Variants in IRS1 observed in about 807,000 individuals in gnomAD.
IRS1 encodes insulin receptor substrate 1.
Under a neutral mutation model 65.6 loss-of-function variants are expected in IRS1, and 34 were observed. That is an observed-to-expected ratio of 0.52 (90% CI 0.39 to 0.69). The LOEUF (loss-of-function observed/expected upper bound fraction) is 0.69, where lower values mean the gene tolerates loss of function less well. Ranked by LOEUF, IRS1 falls within the 30% of genes least tolerant of loss-of-function variation. The probability of loss-of-function intolerance (pLI) is 0.00; values close to 1 mark genes in which losing one functional copy is unlikely to be tolerated. For missense variants in IRS1, 1,641 were observed against 1,720.2 expected (o/e 0.95, Z 0.81); for synonymous variants, 699 against 683.5 (o/e 1.02, Z -0.35).
intron 1 of IRS1, among the ~76,000 whole-genome samples, chr2:226,768,036 T>A (rs1026974277): frequency 6.6e-6 from 1 of 152,098 alleles, no homozygotes; most frequent in Middle Eastern, 3.2e-3. Flanking sequence ...TTCTACCCCA[T>A]CCCTGCTGCT....
rs1299572483 is a variant in IRS1, at chr2:226,786,661, C to A, written c.*21+8328G>T. On this transcript the variant is annotated intron_variant, in intron 1 of 1. Transcript: ENST00000305123. ...CTTAAAAAAAAAAAAACAAAAACAACAACAACAAAAAAAAACCAAAAAAAA... is the reference window on the plus strand; with the variant it reads ...CTTAAAAAAAAAAAAACAAAAACAAAAACAACAAAAAAAAACCAAAAAAAA... Among the ~76,000 whole-genome samples the A allele has an allele frequency of 4.4e-4, 59 of 132,768 alleles. No homozygotes were observed. In the South Asian group the frequency reaches 9.5e-3, roughly 21 times the overall value. 87.1% of individuals were successfully genotyped at this position (132,768 alleles called of 152,430 possible).
At chr2:226,787,660 G>A (rs2106180187) in intron 1 of IRS1, among the ~76,000 whole-genome samples, 1 of 152,286 alleles carries the variant, frequency 6.6e-6, no homozygotes, top group African/African-American at 2.4e-5. Context: ...GATAATTTAT[G>A]TTAGGGTTGA....
At chr2:226,783,166 T>C (rs1264491146) in intron 1 of IRS1, among the ~76,000 whole-genome samples, 2 of 152,200 alleles carry the variant, frequency 1.3e-5, no homozygotes, top group East Asian at 3.8e-4. Context: ...GGGGTGAGCT[T>C]TCAGCCTTCA....
At chr2:226,738,540 A>G (rs975539634) in intron 1 of IRS1, among the ~76,000 whole-genome samples, 3 of 152,244 alleles carry the variant, frequency 2.0e-5, no homozygotes, top group Admixed American at 2.0e-4. Flanking sequence ...AAAACAAACA[A>G]AAAAGGAAGC....
Position 226,794,430 on chromosome 2 carries a change from T to C in IRS1, c.*21+559A>G, listed in dbSNP as rs938139786. Among the ~76,000 whole-genome samples the C allele has an allele frequency of 6.6e-6, 1 of 152,218 alleles. No individual in the cohort carries two copies. Among genetic ancestry groups the C allele is most frequent in the African/African-American group, 2.4e-5 (1 of 41,458 alleles). Reference sequence around the variant, plus strand: ...TCTAAAAAGCTCTTACTCCTGATCTTTTTAGGGCAGGATGAATAGAAATCA... The same window carrying C: ...TCTAAAAAGCTCTTACTCCTGATCTCTTTAGGGCAGGATGAATAGAAATCA... On this transcript the variant is annotated intron_variant, in intron 1 of 1. Transcript: ENST00000305123. This position sits in a 1 kb window ranked among gnomAD's most constrained non-coding sequence, Gnocchi z 4.1.
intron 1 of IRS1, among the ~76,000 whole-genome samples, chr2:226,744,861 C>A (rs189009062): frequency 1.1e-3 from 166 of 152,132 alleles, no homozygotes; most frequent in African/African-American, 3.7e-3. Flanking sequence ...CTTTGTTTTC[C>A]TTTCTGCATT....
intron 1 of IRS1, among the ~76,000 whole-genome samples, chr2:226,767,581 G>A (rs530651460): frequency 6.6e-6 from 1 of 152,314 alleles, no homozygotes; most frequent in Admixed American, 6.5e-5. Context: ...CATAACCTGG[G>A]TGGCCAAGCA....
At position 226,797,847 on chromosome 2, in the gene IRS1, C is replaced by G; in HGVS notation, c.892G>C (p.Gly298Arg). The G allele has an allele frequency of 6.3e-7, 1 of 1,599,420 alleles. No individual in the cohort carries two copies. Among genetic ancestry groups the G allele is most frequent in the Non-Finnish European group, 8.5e-7 (1 of 1,174,976 alleles). Residue 298 changes from glycine (G) to arginine (R), a missense_variant, in exon 1 of 2, where the codon GGG becomes CGG. Around this residue, in one of 3 missense-constraint regions of IRS1, gnomAD observed 1,324 missense variants for 1,361.0 expected, o/e 0.97. Transcript: ENST00000305123. This position sits in a 1 kb window ranked among gnomAD's most constrained non-coding sequence, Gnocchi z 8.1. ...HLNNPPPSQV[G>R]LTRRSRTESI... is the part of the protein sequence containing the mutation. ...TCAGTGCGTGATCGGCGGGTCAGCC[C>G]CACCTGGCTGGGCGGGGGATTGTTG... is the stretch of plus-strand genomic sequence containing the variant.
intron 1 of IRS1, among the ~76,000 whole-genome samples, chr2:226,750,087 T>C (rs998248896): frequency 1.3e-5 from 2 of 151,870 alleles, no homozygotes; most frequent in African/African-American, 4.8e-5. Flanking sequence ...TTGTCTCTAC[T>C]AAAAATACAA....
At chr2:226,792,591 A>C (rs780254241) in intron 1 of IRS1, among the ~76,000 whole-genome samples, 4 of 152,202 alleles carry the variant, frequency 2.6e-5, no homozygotes, top group Admixed American at 6.5e-5. Flanking sequence ...TCAGTGCTTC[A>C]CAAGTGTTCT....
At chr2:226,764,224 G>A (rs1413111441) in intron 1 of IRS1, among the ~76,000 whole-genome samples, 1 of 151,652 alleles carries the variant, frequency 6.6e-6, no homozygotes, top group African/African-American at 2.4e-5. Flanking sequence ...ATCACTAATG[G>A]AATGTGGCAA....
chr2:226,747,547 T>A (rs1194566321), intron 1 of IRS1, among the ~76,000 whole-genome samples: 1 of 152,132 alleles, frequency 6.6e-6, no homozygotes, highest in Non-Finnish European at 1.5e-5. Context: ...GAGAAATAAA[T>A]GTGTGTTGTT....
At chr2:226,788,271 G>C (rs80023763) in intron 1 of IRS1, among the ~76,000 whole-genome samples, 2 of 152,040 alleles carry the variant, frequency 1.3e-5, no homozygotes, top group East Asian at 3.9e-4. Flanking sequence ...AAACATTCCT[G>C]GTAGAGTAAT....
chr2:226,761,593 A>G (rs538254240), intron 1 of IRS1, among the ~76,000 whole-genome samples: 2 of 152,134 alleles, frequency 1.3e-5, no homozygotes, highest in Non-Finnish European at 2.9e-5. Context: ...TTTCTTATCA[A>G]ACTTTAAATC....
chr2:226,760,679 GGCAACCACTT>G (rs1443273615), intron 1 of IRS1, among the ~76,000 whole-genome samples: 2 of 151,940 alleles, frequency 1.3e-5, no homozygotes, highest in Non-Finnish European at 2.9e-5. Context: ...CACGTATGAA[GGCAACCACTT>G]GCATGCATGC....
rs759924294 is a variant in IRS1, at chr2:226,795,901, C to T, written c.2838G>A (p.Leu946=). 1.2e-6 allele frequency: 2 copies of T among 1,613,816 alleles called. No individual in the cohort carries two copies. Among genetic ancestry groups the T allele is most frequent in the South Asian group, 1.1e-5 (1 of 91,088 alleles). Residue 946 remains leucine (L), a synonymous_variant, in exon 1 of 2, where the codon CTG becomes CTA. Coordinates refer to ENST00000305123, the MANE Select transcript of IRS1 (RefSeq NM_005544.3). ...TGTEEYMKMD[L]GPGRRAAWQE... Reference sequence around the variant, plus strand: ...GCCAGGCTGCCCTCCGGCCCGGCCCCAGGTCCATCTTCATGTACTCCTCAG... The same window carrying T: ...GCCAGGCTGCCCTCCGGCCCGGCCCTAGGTCCATCTTCATGTACTCCTCAG...
At position 226,798,421 on chromosome 2, in the gene IRS1, C is replaced by G; in HGVS notation, c.318G>C (p.Trp106Cys). ...AADSEAEQDSWYQALLQLHNR... is the reference protein window; with the variant it reads ...AADSEAEQDSCYQALLQLHNR... ...TGTGCAGCTGTAGGAGAGCCTGGTA[C>G]CAGCTGTCTTGCTCGGCCTCGCTGT... Residue 106 changes from tryptophan to cysteine, a missense_variant, in exon 1 of 2, where the codon TGG becomes TGC. Trp to Cys is a radical substitution (Grantham distance 215). Around this residue, in one of 3 missense-constraint regions of IRS1, gnomAD observed 240 missense variants for 229.6 expected, o/e 1.05. Coordinates refer to ENST00000305123, the MANE Select transcript of IRS1 (RefSeq NM_005544.3). This position sits in a 1 kb window ranked among gnomAD's most constrained non-coding sequence, Gnocchi z 9.4. 6.2e-7 allele frequency: 1 copy of G among 1,614,092 alleles called. No individual in the cohort carries two copies. Among genetic ancestry groups the G allele is most frequent in the Non-Finnish European group, 8.5e-7 (1 of 1,180,016 alleles).
In IRS1 at chr2:226,799,334, C is replaced by A; in HGVS notation, c.-596G>T. The A allele has an allele frequency of 8.0e-7, 1 of 1,243,032 alleles. No individual in the cohort carries two copies. The highest frequency in any genetic ancestry group is 1.0e-6 in the Non-Finnish European group (1 of 961,584). 77.0% of individuals were successfully genotyped at this position (1,243,032 alleles called of 1,614,324 possible). On this transcript the variant is annotated 5_prime_UTR_variant, in exon 1 of 2. Transcript: ENST00000305123. This position sits in a 1 kb window ranked among gnomAD's most constrained non-coding sequence, Gnocchi z 6.1. ...CCAGCCGCCCAAATACCAGCTCAGT[C>A]GCAGAGACCGCGGCGCTGCGGCTGT...
At chr2:226,741,738 T>C (rs1473776644) in intron 1 of IRS1, among the ~76,000 whole-genome samples, 1 of 147,884 alleles carries the variant, frequency 6.8e-6, no homozygotes, top group Non-Finnish European at 1.5e-5. Flanking sequence ...TAAAGCACCT[T>C]ACAACACACA....
Sources: gnomAD v4.1 joint callset for allele counts (sites outside exome capture counted in the v4.1 genomes callset) on GRCh38, gnomAD v4.1.1 for gene constraint, gnomAD v4.1.1 regional missense constraint, Gnocchi (gnomAD v3.1) non-coding constraint, MANE v1.5 for transcripts, NCBI Gene and HGNC (gene_info 2026-07-23, HGNC 2026-07-21) for gene names.